ZBTB20: variants seen among roughly 807,000 people sequenced by gnomAD.
ZBTB20 encodes the protein zinc finger and BTB domain containing 20, also known as zinc finger and BTB domain-containing protein 20.
In ZBTB20, 9 loss-of-function variants were observed where a neutral mutation model predicts 56.9. That is an observed-to-expected ratio of 0.16 (90% CI 0.10 to 0.28). The LOEUF (loss-of-function observed/expected upper bound fraction) is 0.28. Among genes scored for constraint, ZBTB20 ranks in the 10% least tolerant of loss-of-function variants. ZBTB20 has a pLI of 1.00. For missense variants in ZBTB20, 655 were observed against 1,003.0 expected (o/e 0.65, Z 4.69); for synonymous variants, 417 against 420.7 (o/e 0.99, Z 0.11).
At chr3:114,782,316 G>C (rs1460926109) in intron 5 of ZBTB20, among the ~76,000 whole-genome samples, 3 of 152,126 alleles carry the variant, frequency 2.0e-5, no homozygotes, top group African/African-American at 7.2e-5. Context: ...GAATGACTTA[G>C]TTAATTAATA....
At chr3:114,865,385 T>G (rs2075724269) in intron 4 of ZBTB20, among the ~76,000 whole-genome samples, 2 of 152,212 alleles carry the variant, frequency 1.3e-5, no homozygotes, top group South Asian at 2.1e-4. Flanking sequence ...ATTCTGCGTC[T>G]TCTTGTCTTA....
chr3:114,917,682 G>A (rs2107739207), intron 3 of ZBTB20, among the ~76,000 whole-genome samples: 1 of 152,114 alleles, frequency 6.6e-6, no homozygotes, highest in South Asian at 2.1e-4. Flanking sequence ...TGGATTACTA[G>A]GCAGAGACTT....
chr3:114,834,023 T>A (rs2073994333), intron 4 of ZBTB20, among the ~76,000 whole-genome samples: 1 of 152,140 alleles, frequency 6.6e-6, no homozygotes, highest in Non-Finnish European at 1.5e-5. Flanking sequence ...CTAACTAATG[T>A]ACGTATTAGA....
chr3:114,411,500 C>T (rs1020739560), intron 7 of ZBTB20, among the ~76,000 whole-genome samples: 2 of 152,126 alleles, frequency 1.3e-5, no homozygotes, highest in African/African-American at 2.4e-5. Flanking sequence ...GGTCTAGTTA[C>T]CAAATGGAAA....
chr3:114,742,235 T>C (rs567459323), intron 5 of ZBTB20, among the ~76,000 whole-genome samples: 54 of 152,316 alleles, frequency 3.5e-4, no homozygotes, highest in African/African-American at 1.3e-3. Flanking sequence ...GAAGTATTTA[T>C]TGGTAAAATA....
intron 4 of ZBTB20, among the ~76,000 whole-genome samples, chr3:114,806,080 G>T (rs907328372): frequency 6.6e-6 from 1 of 151,824 alleles, no homozygotes; most frequent in Non-Finnish European, 1.5e-5. Flanking sequence ...ATACGTCTCT[G>T]TGTGGACATA....
At chr3:114,844,144 T>G (rs1369538401) in intron 4 of ZBTB20, among the ~76,000 whole-genome samples, 2 of 151,640 alleles carry the variant, frequency 1.3e-5, no homozygotes, top group African/African-American at 4.9e-5. Flanking sequence ...AATGGTGAAT[T>G]ATTGATACAT....
In ZBTB20 at chr3:114,507,982, C is replaced by T. The variant is rs546450000; in HGVS notation, c.-294-7591G>A. On this transcript the variant is annotated intron_variant, in intron 6 of 11. Coordinates refer to ENST00000675478, the MANE Select transcript of ZBTB20 (RefSeq NM_001348800.3). ...TGAATCTACTAAGGCTTTAACATAG[C>T]GATTATCTAGAGTAAAACAGTCTAA... Among the ~76,000 whole-genome samples, 40 of 152,094 alleles carry T rather than the reference C, an allele frequency of 2.6e-4. 2 individuals are homozygous for T. In the South Asian group the frequency reaches 5.2e-3, roughly 20 times the overall value.
intron 7 of ZBTB20, among the ~76,000 whole-genome samples, chr3:114,460,292 G>T (rs1029162990): frequency 6.6e-6 from 1 of 151,410 alleles, no homozygotes; most frequent in African/African-American, 2.4e-5. Flanking sequence ...CTGAGGAATG[G>T]CCCCCCCCAA....
At chr3:114,701,328 C>G (rs759781337) in intron 5 of ZBTB20, among the ~76,000 whole-genome samples, 4 of 152,076 alleles carry the variant, frequency 2.6e-5, no homozygotes, top group Admixed American at 6.6e-5. Flanking sequence ...TTCCCAGGGT[C>G]AGTATTAGAT....
At chr3:115,146,829 C>G (rs909219699) in intron 1 of ZBTB20, among the ~76,000 whole-genome samples, 2 of 152,090 alleles carry the variant, frequency 1.3e-5, no homozygotes, top group African/African-American at 4.8e-5. Context: ...CGGCTCCAGG[C>G]GCAGGGAGTA....
chr3:114,774,386 C>A (rs549127947), intron 5 of ZBTB20, among the ~76,000 whole-genome samples: 20 of 152,184 alleles, frequency 1.3e-4, no homozygotes, highest in Admixed American at 1.2e-3. Context: ...TCCATGGAGG[C>A]CACACATGGA....
At chr3:115,067,370 T>G (rs939265383) in intron 2 of ZBTB20, among the ~76,000 whole-genome samples, 1 of 152,070 alleles carries the variant, frequency 6.6e-6, no homozygotes, top group Non-Finnish European at 1.5e-5. Context: ...TTGATCGAGT[T>G]AGTCAAATGT....
chr3:114,406,240 G>A (rs1361166845), intron 7 of ZBTB20, among the ~76,000 whole-genome samples: 1 of 152,220 alleles, frequency 6.6e-6, no homozygotes, highest in African/African-American at 2.4e-5. Flanking sequence ...AGTACAGCAG[G>A]CTTCAGAGAT....
At chr3:114,659,884 A>G (rs1337922782) in intron 6 of ZBTB20, among the ~76,000 whole-genome samples, 1 of 152,190 alleles carries the variant, frequency 6.6e-6, no homozygotes, top group Non-Finnish European at 1.5e-5. Context: ...ATCTGAATGC[A>G]ATATCAGTGG....
intron 5 of ZBTB20, among the ~76,000 whole-genome samples, chr3:114,761,243 T>C (rs2068416424): frequency 6.6e-6 from 1 of 152,204 alleles, no homozygotes; most frequent in South Asian, 2.1e-4. Flanking sequence ...GTTTGATTTT[T>C]ATTCCCACAA....
intron 1 of ZBTB20, among the ~76,000 whole-genome samples, chr3:115,080,834 G>A (rs1332676953): frequency 6.6e-6 from 1 of 152,104 alleles, no homozygotes; most frequent in Non-Finnish European, 1.5e-5. Context: ...AAGTATGCAA[G>A]AAAAGCCAGA....
chr3:114,685,746 G>A (rs941051258), intron 6 of ZBTB20, among the ~76,000 whole-genome samples: 1 of 152,174 alleles, frequency 6.6e-6, no homozygotes, highest in Admixed American at 6.5e-5. Flanking sequence ...GGATTATTAG[G>A]TTAAGCTCTG....
intron 2 of ZBTB20, among the ~76,000 whole-genome samples, chr3:115,030,485 C>T (rs2080622740): frequency 1.3e-5 from 2 of 151,158 alleles, no homozygotes; most frequent in East Asian, 1.9e-4. Flanking sequence ...ATGCTCATTT[C>T]CTAGTATTAT....
Sources: allele counts gnomAD v4.1 joint callset (sites outside exome capture counted in the v4.1 genomes callset), GRCh38; gene constraint gnomAD v4.1.1; transcripts MANE v1.5; gene names NCBI Gene and HGNC (gene_info 2026-07-23, HGNC 2026-07-21).